The following ACACB variants were observed in gnomAD, a reference collection of about 807,000 sequenced individuals.
The protein encoded by ACACB is acetyl-CoA carboxylase 2.
Under a neutral mutation model 278.8 loss-of-function variants are expected in ACACB, and 209 were observed. The observed-to-expected ratio is 0.75, with a 90% CI of 0.67 to 0.84. The LOEUF (loss-of-function observed/expected upper bound fraction) is 0.84, where lower values mean the gene tolerates loss of function less well. Among genes scored for constraint, ACACB ranks in the 40% least tolerant of loss-of-function variants. The probability of loss-of-function intolerance (pLI) is 0.00; values close to 1 mark genes in which losing one functional copy is unlikely to be tolerated. For synonymous variants in ACACB, 1,174 were observed against 1,285.6 expected, an observed-to-expected ratio of 0.91 and a Z score of 1.86; for missense variants, 2,850 against 3,269.0, an observed-to-expected ratio of 0.87 and a Z score of 3.13.
chr12:109,181,942 C>T (rs1215605688), intron 11 of ACACB, among the ~76,000 whole-genome samples: 1 of 137,636 alleles, frequency 7.3e-6, no homozygotes, highest in African/African-American at 2.7e-5. Context: ...CCTCACGGTT[C>T]GAACAATTCT....
At chr12:109,122,914 G>A (rs987559846) in intron 1 of ACACB, among the ~76,000 whole-genome samples, 1 of 152,052 alleles carries the variant, frequency 6.6e-6, no homozygotes, top group Non-Finnish European at 1.5e-5. Context: ...TGGGTGCAGT[G>A]GCTCATGCCT....
chr12:109,185,614 T>C lies in ACACB; in HGVS notation c.1854T>C (p.Asp618=), dbSNP rs767892533. The change falls in exon 12 of 53, where the codon GAT becomes GAC. Residue 618 remains aspartate (D), a synonymous_variant. Transcript: ENST00000338432. ...GCGTGCCACTGCACCGGCTGAAGGA[T>C]ATCCGGCTTCTGTATGGAGAGTCAC... ...AMGVPLHRLK[D]IRLLYGESPW... 3.7e-6 allele frequency: 6 copies of C among 1,613,934 alleles called. No individual in the cohort carries two copies. The African/African-American group carries it at 5.3e-5, about 14-fold the overall frequency.
At chr12:109,165,336 C>A (rs1218871194) in intron 2 of ACACB, among the ~76,000 whole-genome samples, 2 of 152,088 alleles carry the variant, frequency 1.3e-5, no homozygotes, top group Non-Finnish European at 2.9e-5. Context: ...TGGAAAAAAA[C>A]AGAACTGATC....
chr12:109,226,608 A>G (rs2136547118), intron 27 of ACACB, among the ~76,000 whole-genome samples: 1 of 150,704 alleles, frequency 6.6e-6, no homozygotes. Context: ...CTGAGGCAGG[A>G]GAATCGCTTG....
intron 1 of ACACB, among the ~76,000 whole-genome samples, chr12:109,139,029 A>T (rs1035813014): frequency 4.6e-5 from 7 of 152,258 alleles, no homozygotes; most frequent in African/African-American, 7.2e-5. Context: ...TACACTCTGT[A>T]GCCATCATCC....
intron 45 of ACACB, among the ~76,000 whole-genome samples, chr12:109,256,621 T>C (rs1334914083): frequency 6.6e-6 from 1 of 152,242 alleles, no homozygotes; most frequent in Non-Finnish European, 1.5e-5. Flanking sequence ...AATGCTTGCA[T>C]GCTTTCCAAG....
At chr12:109,127,688 G>A (rs1165887728) in intron 1 of ACACB, among the ~76,000 whole-genome samples, 1 of 152,158 alleles carries the variant, frequency 6.6e-6, no homozygotes, top group Non-Finnish European at 1.5e-5. Context: ...GATGACAGTT[G>A]CAATTATTTT....
chr12:109,144,969 G>T (rs182707043), intron 2 of ACACB, among the ~76,000 whole-genome samples: 1 of 152,102 alleles, frequency 6.6e-6, no homozygotes, highest in East Asian at 1.9e-4. Flanking sequence ...CACCATATTA[G>T]CTAGGCTGGT....
At chr12:109,196,933 G>A in intron 16 of ACACB, 75 bp from the exon 17 acceptor site, 2 of 1,438,422 alleles carry the variant, frequency 1.4e-6, no homozygotes, top group East Asian at 2.8e-5. Flanking sequence ...GCTCTTGTTT[G>A]TTGTTAGCGG....
At chr12:109,207,576 CTAAG>C (rs2136378105) in intron 20 of ACACB, among the ~76,000 whole-genome samples, 1 of 152,330 alleles carries the variant, frequency 6.6e-6, no homozygotes, top group African/African-American at 2.4e-5. Context: ...ATAGCAGTGA[CTAAG>C]CATCACACTG....
intron 28 of ACACB, among the ~76,000 whole-genome samples, chr12:109,229,577 T>G (rs2046410588): frequency 6.6e-6 from 1 of 152,134 alleles, no homozygotes; most frequent in Non-Finnish European, 1.5e-5. Context: ...TCACCCAGGC[T>G]GGAGTGCAAC....
At chr12:109,170,626 C>T (rs901734208) in intron 4 of ACACB, among the ~76,000 whole-genome samples, 1 of 151,898 alleles carries the variant, frequency 6.6e-6, no homozygotes, top group Non-Finnish European at 1.5e-5. Context: ...GAGAGAAGAT[C>T]GTTGGTTGCC....
chr12:109,210,235 A>ATATATACACATGTGTG (rs1217482493), intron 21 of ACACB, among the ~76,000 whole-genome samples: 1 of 21,092 alleles, frequency 4.7e-5, no homozygotes, highest in South Asian at 2.4e-3. Flanking sequence ...GTGTATATGT[A>ATATATACACATGTGTG]TATATGTATA....
chr12:109,137,941 C>G (rs948736529), intron 1 of ACACB, among the ~76,000 whole-genome samples: 1 of 151,674 alleles, frequency 6.6e-6, no homozygotes, highest in Non-Finnish European at 1.5e-5. Flanking sequence ...CTCTGTTGCC[C>G]GGGCTGGAAT....
intron 21 of ACACB, among the ~76,000 whole-genome samples, chr12:109,210,189 G>A (rs59559033): frequency 0.41 from 7,113 of 17,172 alleles, 1,890 homozygotes; most frequent in Non-Finnish European, 0.48. Flanking sequence ...ATATACACAC[G>A]TGTGTATATG....
chr12:109,246,630 G>A (rs749021298), intron 39 of ACACB, among the ~76,000 whole-genome samples, 182 bp downstream of exon 39: 138 of 152,058 alleles, frequency 9.1e-4, no homozygotes, highest in Non-Finnish European at 1.6e-3. Flanking sequence ...TGTGGCGGGG[G>A]GGATGGTGAT....
intron 11 of ACACB, among the ~76,000 whole-genome samples, chr12:109,183,063 G>A (rs1018697311): frequency 1.6e-4 from 25 of 152,020 alleles, no homozygotes; most frequent in African/African-American, 4.8e-4. Context: ...CATGTTCTTC[G>A]CAAGTCTGTC....
intron 28 of ACACB, among the ~76,000 whole-genome samples, chr12:109,231,835 G>A (rs2046482452): frequency 6.6e-6 from 1 of 152,160 alleles, no homozygotes; most frequent in Admixed American, 6.5e-5. Flanking sequence ...CCCGCACCAG[G>A]GATTGGTGGC....
At chr12:109,162,805 T>C (rs548889028) in intron 2 of ACACB, among the ~76,000 whole-genome samples, 1 of 152,328 alleles carries the variant, frequency 6.6e-6, no homozygotes, top group East Asian at 1.9e-4. Context: ...AACGCACTCC[T>C]ACCTCACCCT....
Sources: allele counts gnomAD v4.1 joint callset (sites outside exome capture counted in the v4.1 genomes callset), GRCh38; gene constraint gnomAD v4.1.1; transcripts MANE v1.5; gene names NCBI Gene and HGNC (gene_info 2026-07-23, HGNC 2026-07-21).